FKBP14: variants seen among roughly 807,000 people sequenced by gnomAD.
The protein encoded by FKBP14 is FKBP prolyl isomerase 14, also known as peptidyl-prolyl cis-trans isomerase FKBP14.
In FKBP14, 20 loss-of-function variants were observed where a neutral mutation model predicts 21.6. The observed-to-expected ratio is 0.92, with a 90% CI of 0.65 to 1.34. The LOEUF is 1.34. Among genes scored for constraint, FKBP14 ranks in the 40% most tolerant of loss-of-function variants. The pLI is 0.00. For missense variants in FKBP14, 253 were observed against 249.0 expected (o/e 1.02, Z -0.11); for synonymous variants, 79 against 86.7 (o/e 0.91, Z 0.49).
At chr7:30,020,471 A>G (rs1171569552) in intron 2 of FKBP14, among the ~76,000 whole-genome samples, 1 of 152,196 alleles carries the variant, frequency 6.6e-6, no homozygotes, top group Non-Finnish European at 1.5e-5. Flanking sequence ...CCCCACTGGG[A>G]TATGTCCCAA....
intron 1 of FKBP14, chr7:30,025,498 G>C (rs115589124): frequency 6.6e-6 from 1 of 152,286 alleles, no homozygotes; most frequent in African/African-American, 2.4e-5. Context: ...CTAATGAATA[G>C]ATGAAGATGA....
chr7:30,019,080 G>T lies in FKBP14; in HGVS notation c.393C>A (p.Leu131=). The change falls in exon 3 of 4, where the codon CTC becomes CTA. Residue 131 remains leucine, a synonymous_variant. Transcript: ENST00000222803. The part of the protein sequence containing the change: ...PESTLIFNID[L]LEIRNGPRSH... Reference sequence around the variant, plus strand: ...ATCTTGGTCCATTTCGAATCTCCAGGAGATCAATATTAAATATCAGTGTAC... The same window carrying T: ...ATCTTGGTCCATTTCGAATCTCCAGTAGATCAATATTAAATATCAGTGTAC... 2.5e-6 allele frequency: 4 copies of T among 1,591,540 alleles called. No homozygotes were observed. The highest frequency in any genetic ancestry group is 3.4e-6 in the Non-Finnish European group (4 of 1,173,338).
Position 30,011,623 on chromosome 7 carries a change from G to C in FKBP14, c.*3112C>G, listed in dbSNP as rs1344314450. ...ATATATATATATATTTTTTTTTTTAGATGGGGAGTCACTCTGTCACCCAGG... is the reference window on the plus strand; with the variant it reads ...ATATATATATATATTTTTTTTTTTACATGGGGAGTCACTCTGTCACCCAGG... On this transcript the variant is annotated 3_prime_UTR_variant, in exon 4 of 4. Transcript: ENST00000222803. 8.3e-6 allele frequency: 1 copy of C among 121,018 alleles called. No homozygotes were observed. Among genetic ancestry groups the C allele is most frequent in the African/African-American group, 3.1e-5 (1 of 31,948 alleles). 7.5% of individuals were successfully genotyped at this position (121,018 alleles called of 1,614,324 possible). A position where few individuals can be genotyped will look rare whatever the true frequency, so the allele number is the denominator to read the frequency against.
At chr7:30,024,086 G>C (rs1418567978) in intron 1 of FKBP14, among the ~76,000 whole-genome samples, 1 of 152,160 alleles carries the variant, frequency 6.6e-6, no homozygotes, top group Non-Finnish European at 1.5e-5. Context: ...CTCCCTTTCA[G>C]TGCAATAAGG....
intron 2 of FKBP14, chr7:30,020,451 G>A (rs1790002051): frequency 3.1e-6 from 1 of 323,882 alleles, no homozygotes; most frequent in Non-Finnish European, 5.9e-6. Flanking sequence ...CTAATACAAC[G>A]TACAGTAGTC....
intron 3 of FKBP14, among the ~76,000 whole-genome samples, chr7:30,016,003 AG>A (rs1242386065): frequency 6.6e-6 from 1 of 151,952 alleles, no homozygotes; most frequent in East Asian, 1.9e-4. Flanking sequence ...TCTGCCTCCC[AG>A]GCTCAAGCAA....
rs1305559169 is a variant in FKBP14, at chr7:30,011,005, CTAAGG to C, written c.*3725_*3729del. On this transcript the variant is annotated 3_prime_UTR_variant, in exon 4 of 4. Transcript: ENST00000222803. The stretch of plus-strand genomic sequence containing the variant: ...TCTAAACTAGAAAATTTACAGTAAG[CTAAGG>C]TTAGTTTTTTATTATTTCTATAAAA... The C allele has an allele frequency of 6.6e-6, 1 of 151,720 alleles. No homozygotes were observed. The highest frequency in any genetic ancestry group is 2.4e-5 in the African/African-American group (1 of 41,302). The allele number at this position is 151,720 out of a possible 1,614,324, so 9.4% of individuals were successfully genotyped here.
intron 1 of FKBP14, 134 bp from the exon 2 acceptor site, chr7:30,022,950 C>T: frequency 1.5e-6 from 1 of 673,370 alleles, no homozygotes; most frequent in Non-Finnish European, 2.4e-6. Flanking sequence ...TATTTGCACA[C>T]ATACACACAC....
chr7:30,020,727 G>A (rs947163265), intron 2 of FKBP14, among the ~76,000 whole-genome samples: 6 of 152,076 alleles, frequency 3.9e-5, no homozygotes, highest in Admixed American at 2.6e-4. Context: ...AACTAAAACG[G>A]TAGAAAGTGA....
chr7:30,010,351 C>T (rs187526731), downstream of FKBP14, among the ~76,000 whole-genome samples: 62 of 152,322 alleles, frequency 4.1e-4, no homozygotes, highest in Non-Finnish European at 7.1e-4. Context: ...TATTAACTAT[C>T]ATGCTAAAGG....
In FKBP14 at chr7:30,018,985, G is replaced by A. The variant is rs1789961665; in HGVS notation, c.477+11C>T. The A allele has an allele frequency of 6.2e-7, 1 of 1,605,616 alleles. No homozygotes were observed. Among genetic ancestry groups the A allele is most frequent in the East Asian group, 2.3e-5 (1 of 44,224 alleles). On this transcript the variant is annotated intron_variant, in intron 3 of 3. Transcript: ENST00000222803. ...AAAGTAGAAAGAGGAGTAGGAAGAAGGAAAGGTCACCTCATCTTTAGAGAG... is the reference window on the plus strand; with the variant it reads ...AAAGTAGAAAGAGGAGTAGGAAGAAAGAAAGGTCACCTCATCTTTAGAGAG...
chr7:30,017,761 T>A (rs1789928627), intron 3 of FKBP14, among the ~76,000 whole-genome samples: 1 of 152,016 alleles, frequency 6.6e-6, no homozygotes, highest in South Asian at 2.1e-4. Flanking sequence ...ACGTCTGTAA[T>A]CCCAGCACTT....
chr7:30,009,259 A>G (rs112398483), downstream of FKBP14, among the ~76,000 whole-genome samples: 27,199 of 149,444 alleles, frequency 0.18, 2,616 homozygotes, highest in African/African-American at 0.25. Flanking sequence ...TTGAGATGGA[A>G]TCTTGCTCTG....
chr7:30,025,223 A>G (rs1041289290), intron 1 of FKBP14, among the ~76,000 whole-genome samples: 36 of 151,978 alleles, frequency 2.4e-4, no homozygotes, highest in African/African-American at 8.5e-4. Context: ...GGAAACCTCC[A>G]CCCATCTTCC....
chr7:30,008,283 C>T (rs1370990741), downstream of FKBP14: 1 of 152,104 alleles, frequency 6.6e-6, no homozygotes, highest in African/African-American at 2.4e-5. Context: ...CAGCCTAAAG[C>T]AAGGAGCTGG....
At chr7:30,018,328 A>G (rs1309643171) in intron 3 of FKBP14, among the ~76,000 whole-genome samples, 1 of 152,238 alleles carries the variant, frequency 6.6e-6, no homozygotes, top group Non-Finnish European at 1.5e-5. Context: ...GATAAAAAAC[A>G]GGAATAAATA....
At chr7:30,006,558 C>G (rs1464367643), downstream of FKBP14, among the ~76,000 whole-genome samples, 1 of 151,388 alleles carries the variant, frequency 6.6e-6, no homozygotes, top group East Asian at 1.9e-4. Flanking sequence ...TTTCCTTTTT[C>G]TGGTAGGGAA....
intron 3 of FKBP14, among the ~76,000 whole-genome samples, chr7:30,017,837 A>AC (rs894347230): frequency 2.6e-5 from 4 of 151,914 alleles, no homozygotes; most frequent in Admixed American, 2.6e-4. Context: ...ATATGGTGAA[A>AC]CCCCATCTCT....
At chr7:30,018,933 CA>C in intron 3 of FKBP14, 62 bp downstream of exon 3, 4 of 1,562,650 alleles carry the variant, frequency 2.6e-6, no homozygotes, top group Non-Finnish European at 3.5e-6. Context: ...AAAAACAAAA[CA>C]AAACAAAACC....
Sources: allele counts gnomAD v4.1 joint callset (sites outside exome capture counted in the v4.1 genomes callset), GRCh38; gene constraint gnomAD v4.1.1; transcripts MANE v1.5; gene names NCBI Gene and HGNC (gene_info 2026-07-23, HGNC 2026-07-21).